GH1: variants seen among roughly 807,000 people sequenced by gnomAD.
GH1 encodes somatotropin.
GH1 carries 13 observed loss-of-function variants against 24.5 expected under a neutral mutation model. The observed-to-expected ratio is 0.53, with a 90% CI of 0.35 to 0.85. The LOEUF (loss-of-function observed/expected upper bound fraction) is 0.85, where lower values mean the gene tolerates loss of function less well. Among genes scored for constraint, GH1 ranks in the 40% least tolerant of loss-of-function variants. The pLI is 0.01. For synonymous variants in GH1, 126 were observed against 116.3 expected (o/e 1.08, Z -0.54); for missense variants, 294 against 273.2 (o/e 1.08, Z -0.54).
At position 63,918,459 on chromosome 17, in the gene GH1, A is replaced by G; in HGVS notation, c.58T>C (p.Trp20Arg). 3 of 1,614,184 alleles carry G rather than the reference A, an allele frequency of 1.9e-6. No individual in the cohort carries two copies. The highest frequency in any genetic ancestry group is 2.5e-6 in the Non-Finnish European group (3 of 1,180,036). The part of the protein sequence containing the change: ...LLAFGLLCLP[W>R]LQEGSAFPTI... ...GGGAAGGCACTGCCCTCTTGAAGCC[A>G]GGGCAGGCAGAGCAGGCCAAAAGCC... Residue 20 changes from tryptophan (W) to arginine (R), a missense_variant, in exon 2 of 5, where the codon TGG becomes CGG. Transcript: ENST00000323322.
chr17:63,917,485 G>C lies in GH1; in HGVS notation c.478C>G (p.Arg160Gly). ...GTCTGCTTGAAGATCTGCCCAGTCC[G>C]GGGGCTGCCATCTTCCAGCCTCTGC... is the stretch of plus-strand genomic sequence containing the variant. ...LMGRLEDGSP[R>G]TGQIFKQTYS... is the part of the protein sequence containing the mutation. Residue 160 changes from arginine to glycine, a missense_variant, in exon 5 of 5, where the codon CGG becomes GGG. Transcript: ENST00000323322. The C allele has an allele frequency of 6.2e-7, 1 of 1,613,948 alleles. No homozygotes were observed. Among genetic ancestry groups the C allele is most frequent in the Non-Finnish European group, 8.5e-7 (1 of 1,179,870 alleles).
intron 2 of GH1, 104 bp from the exon 3 acceptor site, chr17:63,918,240 T>C: frequency 6.2e-7 from 1 of 1,612,004 alleles, no homozygotes; most frequent in Admixed American, 1.7e-5. Flanking sequence ...GCATTTTCGC[T>C]TCGGGAAAAA....
At chr17:63,918,659 C>G in intron 1 of GH1, 108 bp downstream of exon 1, 2 of 1,610,898 alleles carry the variant, frequency 1.2e-6, no homozygotes, top group South Asian at 1.1e-5. Context: ...TGGCGATACT[C>G]ACATTCAGAA....
intron 2 of GH1, 40 bp downstream of exon 2, chr17:63,918,305 TC>T: frequency 6.2e-7 from 1 of 1,613,508 alleles, no homozygotes; most frequent in Non-Finnish European, 8.5e-7. Flanking sequence ...AGTCACCCCT[TC>T]CTGCCACCCC....
rs1430258844 is a variant in GH1, at chr17:63,918,684, G to A, written c.10+83C>T. The A allele has an allele frequency of 3.7e-6, 6 of 1,612,052 alleles. No homozygotes were observed. The Admixed American group carries it at 1.0e-4, about 27-fold the overall frequency. On this transcript the variant is annotated intron_variant, in intron 1 of 4. Coordinates refer to ENST00000323322, the MANE Select transcript of GH1 (RefSeq NM_000515.5). ...CACATTCAGAAGCCCCAAACCTGAG[G>A]GTTAGTGCCCCCGTCCCATCTACAG...
In GH1 at chr17:63,918,102, G is replaced by T; in HGVS notation, c.206C>A (p.Ser69Ter). The change falls in exon 3 of 5, where the codon TCA becomes TAA. Residue 69 changes from serine (S) to a stop codon, truncating the protein, a stop_gained. Coordinates refer to ENST00000323322, the MANE Select transcript of GH1 (RefSeq NM_000515.5). LOFTEE classifies it high-confidence loss of function. ...EAYIPKEQKYSFLQNPQTSLC... is the reference protein window; with the variant it reads ...EAYIPKEQKY ...GGAGGTCTGGGGGTTCTGCAGGAAT[G>T]AATACTTCTGTTCCTTTGGGATATA... 6.2e-7 allele frequency: 1 copy of T among 1,614,192 alleles called. No individual in the cohort carries two copies.
intron 4 of GH1, 85 bp from the exon 5 acceptor site, chr17:63,917,591 C>T: frequency 6.2e-7 from 1 of 1,613,946 alleles, no homozygotes; most frequent in African/African-American, 1.3e-5. Context: ...CCTCCCTCCC[C>T]TTCAGGGTGT....
rs762223960 is a variant in GH1, at chr17:63,918,514, G to A, written c.11-8C>T. The A allele has an allele frequency of 5.6e-6, 9 of 1,613,802 alleles. No individual in the cohort carries two copies. The highest frequency in any genetic ancestry group is 1.7e-4 in the Middle Eastern group (1 of 5,916). ...GCAGGGACGTCCGGGAGCCTGGGGA[G>A]AAACCAGAGGGCAACAGAGGGAGCC... On this transcript the variant is annotated splice_region_variant and splice_polypyrimidine_tract_variant and intron_variant, in intron 1 of 4. Coordinates refer to ENST00000323322, the MANE Select transcript of GH1 (RefSeq NM_000515.5).
chr17:63,917,354 C>G lies in GH1; in HGVS notation c.609G>C (p.Leu203=). The change falls in exon 5 of 5, where the codon CTG becomes CTC. Residue 203 remains leucine (L), a synonymous_variant. Coordinates refer to ENST00000323322, the MANE Select transcript of GH1 (RefSeq NM_000515.5). Reference sequence around the variant, plus strand: ...CCACAGAGCGGCACTGCACGATGCGCAGGAATGTCTCGACCTTGTCCATGT... The same window carrying G: ...CCACAGAGCGGCACTGCACGATGCGGAGGAATGTCTCGACCTTGTCCATGT... ...RKDMDKVETF[L]RIVQCRSVEG... 6.2e-7 allele frequency: 1 copy of G among 1,614,042 alleles called. No individual in the cohort carries two copies. Among genetic ancestry groups the G allele is most frequent in the Non-Finnish European group, 8.5e-7 (1 of 1,179,924 alleles).
At chr17:63,917,959 C>G (rs753904435) in intron 3 of GH1, 35 bp from the exon 4 acceptor site, 1 of 1,614,028 alleles carries the variant, frequency 6.2e-7, no homozygotes, top group African/African-American at 1.3e-5. Flanking sequence ...CTGTGCTGCC[C>G]GGGGGCTCTG....
chr17:63,918,807 G>A lies in GH1; in HGVS notation c.-31C>T. 3 of 1,613,984 alleles carry A rather than the reference G, an allele frequency of 1.9e-6. No homozygotes were observed. Among genetic ancestry groups the A allele is most frequent in the Non-Finnish European group, 2.5e-6 (3 of 1,179,864 alleles). ...CTAGGTGAGCTGTCCACAGGACCCT[G>A]AGTGGTTCGGGGAGTTGGGCCTTGG... is the stretch of plus-strand genomic sequence containing the variant. On this transcript the variant is annotated 5_prime_UTR_variant, in exon 1 of 5. Coordinates refer to ENST00000323322, the MANE Select transcript of GH1 (RefSeq NM_000515.5).
At position 63,918,822 on chromosome 17, in the gene GH1, T is replaced by G. The variant is rs777455884; in HGVS notation, c.-46A>C. The G allele has an allele frequency of 6.8e-6, 11 of 1,613,550 alleles. No homozygotes were observed. The East Asian group carries it at 2.2e-4, about 33-fold the overall frequency. On this transcript the variant is annotated 5_prime_UTR_variant, in exon 1 of 5. Transcript: ENST00000323322. The stretch of plus-strand genomic sequence containing the variant: ...ACAGGACCCTGAGTGGTTCGGGGAG[T>G]TGGGCCTTGGGATCCTTGAGCTGGT...
rs760090194 is a variant in GH1 at position 63,918,786 on chromosome 17, G to T, written c.-10C>A. 4 of 1,613,854 alleles carry T rather than the reference G, an allele frequency of 2.5e-6. No individual in the cohort carries two copies. Among genetic ancestry groups the T allele is most frequent in the Middle Eastern group, 1.6e-4 (1 of 6,076 alleles). ...GCTTACCTGTAGCCATTGCAGCTAG[G>T]TGAGCTGTCCACAGGACCCTGAGTG... On this transcript the variant is annotated 5_prime_UTR_variant, in exon 1 of 5. Coordinates refer to ENST00000323322, the MANE Select transcript of GH1 (RefSeq NM_000515.5).
Position 63,917,280 on chromosome 17 carries a change from G to T in GH1, c.*29C>A, listed in dbSNP as rs1261421640. 6.2e-7 allele frequency: 1 copy of T among 1,613,896 alleles called. No homozygotes were observed. Among genetic ancestry groups the T allele is most frequent in the African/African-American group, 1.3e-5 (1 of 74,916 alleles). ...TTCCAGGGCCAGGAGAGGCACTGGGGAGGGGTCACAGGGATGCCACCCGGG... is the reference window on the plus strand; with the variant it reads ...TTCCAGGGCCAGGAGAGGCACTGGGTAGGGGTCACAGGGATGCCACCCGGG... On this transcript the variant is annotated 3_prime_UTR_variant, in exon 5 of 5. Transcript: ENST00000323322.
chr17:63,918,163 C>A (rs773370211), intron 2 of GH1, 27 bp from the exon 3 acceptor site: 3 of 1,614,134 alleles, frequency 1.9e-6, no homozygotes, highest in Non-Finnish European at 2.5e-6. Context: ...CCACCAAGGT[C>A]TACGCTGGAG....
rs377269167 is a variant in GH1 at position 63,918,750 on chromosome 17, A to G, written c.10+17T>C. 6.2e-7 allele frequency: 1 copy of G among 1,613,630 alleles called. No homozygotes were observed. The highest frequency in any genetic ancestry group is 1.3e-5 in the African/African-American group (1 of 74,852). On this transcript the variant is annotated intron_variant, in intron 1 of 4. Transcript: ENST00000323322. ...CTCAGGACACATTGTGCCCAAAGGGATTTTAGGGGCGCTTACCTGTAGCCA... is the reference window on the plus strand; with the variant it reads ...CTCAGGACACATTGTGCCCAAAGGGGTTTTAGGGGCGCTTACCTGTAGCCA...
intron 1 of GH1, 31 bp downstream of exon 1, chr17:63,918,736 T>C (rs577106561): frequency 1.9e-6 from 3 of 1,613,800 alleles, no homozygotes; most frequent in African/African-American, 1.3e-5. Flanking sequence ...TCAGGACACA[T>C]TGTGCCCAAA....
At position 63,917,755 on chromosome 17, in the gene GH1, C is replaced by T. The variant is rs863223308; in HGVS notation, c.456+5G>A. On this transcript the variant is annotated splice_donor_5th_base_variant and intron_variant, in intron 4 of 4. Transcript: ENST00000323322. Reference sequence around the variant, plus strand: ...AGGATTGGGGACCCCTGGCGCCACCCTCACCCCCATCAGCGTTTGGATGCC... The same window carrying T: ...AGGATTGGGGACCCCTGGCGCCACCTTCACCCCCATCAGCGTTTGGATGCC... 2.5e-6 allele frequency: 4 copies of T among 1,614,180 alleles called. No individual in the cohort carries two copies. The South Asian group carries it at 3.3e-5, about 13-fold the overall frequency.
chr17:63,917,956 G>A, intron 3 of GH1, 32 bp from the exon 4 acceptor site: 1 of 1,614,202 alleles, frequency 6.2e-7, no homozygotes, highest in Non-Finnish European at 8.5e-7. Flanking sequence ...TGGCTGTGCT[G>A]CCCGGGGGCT....
Sources: allele counts gnomAD v4.1 joint callset, GRCh38; gene constraint gnomAD v4.1.1; transcripts MANE v1.5; gene names NCBI Gene and HGNC (gene_info 2026-07-23, HGNC 2026-07-21).